OGDHL: variants seen among roughly 807,000 people sequenced by gnomAD.
OGDHL encodes oxoglutarate dehydrogenase L, also known as 2-oxoglutarate dehydrogenase-like, mitochondrial.
Under a neutral mutation model 109.6 loss-of-function variants are expected in OGDHL, and 79 were observed. The observed-to-expected ratio is 0.72, with a 90% CI of 0.60 to 0.87. The LOEUF is 0.87. Among genes scored for constraint, OGDHL ranks in the 40% least tolerant of loss-of-function variants. OGDHL has a pLI of 0.00. For synonymous variants in OGDHL, 528 were observed against 537.2 expected, an observed-to-expected ratio of 0.98 and a Z score of 0.24; for missense variants, 1,275 against 1,362.2, an observed-to-expected ratio of 0.94 and a Z score of 1.01.
intron 15 of OGDHL, among the ~76,000 whole-genome samples, chr10:49,742,557 A>G (rs1162555639): frequency 8.3e-6 from 1 of 119,762 alleles, no homozygotes; most frequent in East Asian, 2.8e-4. Flanking sequence ...CAACTCGCCC[A>G]CACTCACCAC....
chr10:49,754,998 C>G (rs1009089719), intron 3 of OGDHL, among the ~76,000 whole-genome samples: 1 of 152,168 alleles, frequency 6.6e-6, no homozygotes, highest in Non-Finnish European at 1.5e-5. Context: ...AATCCCAGCA[C>G]TTTGGGAGGC....
chr10:49,736,741 C>T (rs1476840688), intron 20 of OGDHL, among the ~76,000 whole-genome samples: 1 of 152,178 alleles, frequency 6.6e-6, no homozygotes, highest in East Asian at 1.9e-4. Context: ...AAGGGTTGAG[C>T]CCTGGAAGCA....
chr10:49,750,816 G>A (rs1192380211), intron 7 of OGDHL, 23 bp downstream of exon 7: 2 of 1,596,152 alleles, frequency 1.3e-6, no homozygotes, highest in Admixed American at 1.7e-5. Flanking sequence ...AATGCGCAAG[G>A]CACAGCAGGG....
rs1814429236 is a variant in OGDHL at position 49,738,257 on chromosome 10, TG to T, written c.2324del (p.Pro775GlnfsTer14). 6.2e-7 allele frequency: 1 copy of T among 1,612,700 alleles called. No homozygotes were observed. Among genetic ancestry groups the T allele is most frequent in the African/African-American group, 1.3e-5 (1 of 74,898 alleles). ...TTTCGGGCCTCGCTGACGAGTGCTC[TG>T]GGCCCTGAAAGCAAACGCCAGACAG... ...LLPHGMEGMGPEHSSARPERF... is the reference protein window; with the variant it reads ...LLPHGMEGMGXEHSSARPERF... On this transcript the variant is annotated frameshift_variant, in exon 18 of 23. Transcript: ENST00000374103. LOFTEE classifies it high-confidence loss of function.
chr10:49,742,479 ACTCCCCCCACTCAC>A (rs1564532371), intron 15 of OGDHL, among the ~76,000 whole-genome samples: 5 of 10,282 alleles, frequency 4.9e-4, no homozygotes, highest in South Asian at 3.8e-3. Flanking sequence ...CCCCCTATAC[ACTCCCCCCACTCAC>A]CACATACCAC....
chr10:49,752,308 C>T (rs2304636), intron 4 of OGDHL, 60 bp from the exon 5 acceptor site: 291,663 of 1,276,896 alleles, frequency 0.23, 37,380 homozygotes, highest in African/African-American at 0.47. Flanking sequence ...AGGTCAGGCC[C>T]AGGTGGAGCC....
Position 49,734,897 on chromosome 10 carries a change from G to T in OGDHL, c.*331C>A. 1 of 192,786 alleles carries T rather than the reference G, an allele frequency of 5.2e-6. No individual in the cohort carries two copies. Among genetic ancestry groups the T allele is most frequent in the Non-Finnish European group, 1.1e-5 (1 of 95,080 alleles). The allele number at this position is 192,786 out of a possible 1,614,324, so 11.9% of individuals were successfully genotyped here. On this transcript the variant is annotated 3_prime_UTR_variant, in exon 23 of 23. Coordinates refer to ENST00000374103, the MANE Select transcript of OGDHL (RefSeq NM_018245.3). ...GGGCGAGCAGCAGCCAGGGCTGCCG[G>T]GATGGGAGCGGCCACAGACACAGGC... is the stretch of plus-strand genomic sequence containing the variant.
Position 49,735,300 on chromosome 10 carries a change from A to G in OGDHL, c.2961T>C (p.Thr987=). The change falls in exon 23 of 23, where the codon ACT becomes ACC. Residue 987 remains threonine (T), a synonymous_variant. Transcript: ENST00000374103. ...AAAPATGNRN[T]HLVSLKKFLD... is the part of the protein sequence containing the mutation. ...GAAACTTCTTCAGTGACACCAGGTG[A>G]GTGTTCCTGTTTCCTGTGGCTGGTG... The G allele has an allele frequency of 6.2e-7, 1 of 1,614,112 alleles. No homozygotes were observed. Among genetic ancestry groups the G allele is most frequent in the Non-Finnish European group, 8.5e-7 (1 of 1,180,010 alleles).
intron 1 of OGDHL, among the ~76,000 whole-genome samples, chr10:49,760,452 C>T (rs1048527588): frequency 6.6e-6 from 1 of 152,214 alleles, no homozygotes; most frequent in African/African-American, 2.4e-5. Flanking sequence ...AAGAGAAGGT[C>T]GTGCCAGCCC....
At chr10:49,753,888 TAAAAA>T (rs63200161) in intron 3 of OGDHL, among the ~76,000 whole-genome samples, 35 of 87,268 alleles carry the variant, frequency 4.0e-4, no homozygotes, top group South Asian at 3.9e-4. Flanking sequence ...AAACTCCATC[TAAAAA>T]AAAAAAAAAA....
At position 49,745,437 on chromosome 10, in the gene OGDHL, G is replaced by A. The variant is rs997298253; in HGVS notation, c.1536C>T (p.Leu512=). The change falls in exon 12 of 23, where the codon CTC becomes CTT. Residue 512 remains leucine, a synonymous_variant. Coordinates refer to ENST00000374103, the MANE Select transcript of OGDHL (RefSeq NM_018245.3). ...CCTGTCTGTGGATCTGCTTGTACAT[G>A]AGCGGCTGGGTGAACATGGGCTCGT... ...EMDEPMFTQP[L]MYKQIHRQVP... is the part of the protein sequence containing the mutation. The A allele has an allele frequency of 1.2e-6, 2 of 1,614,064 alleles. No individual in the cohort carries two copies. The highest frequency in any genetic ancestry group is 1.6e-4 in the Middle Eastern group (1 of 6,084).
chr10:49,746,761 C>A lies in OGDHL; in HGVS notation c.1285G>T (p.Val429Phe). ...GCCTACATGCTCACCTGGTTGTTGACGACGACGTGCACGGTACCATTGGTC... is the reference window on the plus strand; with the variant it reads ...GCCTACATGCTCACCTGGTTGTTGAAGACGACGTGCACGGTACCATTGGTC... ...YTTNGTVHVV[V>F]NNQIGFTTDP... The change falls in exon 10 of 23, where the codon GTC becomes TTC. Residue 429 changes from valine to phenylalanine, a missense_variant. Val to Phe is a conservative substitution (Grantham distance 50, BLOSUM62 -1). Transcript: ENST00000374103. 1 of 1,614,016 alleles carries A rather than the reference C, an allele frequency of 6.2e-7. No individual in the cohort carries two copies. The highest frequency in any genetic ancestry group is 8.5e-7 in the Non-Finnish European group (1 of 1,179,944).
chr10:49,739,526 C>T, intron 17 of OGDHL, 135 bp downstream of exon 17: 1 of 1,060,732 alleles, frequency 9.4e-7, no homozygotes, highest in Non-Finnish European at 1.3e-6. Context: ...GCAGACCCCA[C>T]CCTGCACAGA....
chr10:49,753,988 C>G (rs1842765571), intron 3 of OGDHL, among the ~76,000 whole-genome samples: 1 of 151,908 alleles, frequency 6.6e-6, no homozygotes, highest in African/African-American at 2.4e-5. Context: ...CTTTGAGAAC[C>G]TCTATTTTTG....
chr10:49,758,660 C>T (rs2132270716), intron 1 of OGDHL, 67 bp from the exon 2 acceptor site: 1 of 1,499,164 alleles, frequency 6.7e-7, no homozygotes, highest in Non-Finnish European at 9.1e-7. Context: ...TCTACCAAGC[C>T]ACTGTCCGCT....
chr10:49,738,559 C>T (rs1841396317), intron 17 of OGDHL: 1 of 457,742 alleles, frequency 2.2e-6, no homozygotes. Flanking sequence ...GTGGCTGCCA[C>T]TGACTGAGCA....
intron 1 of OGDHL, 39 bp from the exon 2 acceptor site, chr10:49,758,632 A>T: frequency 6.3e-7 from 1 of 1,599,368 alleles, no homozygotes; most frequent in Non-Finnish European, 8.5e-7. Flanking sequence ...AAATGGCAGG[A>T]CCAAGACAGG....
At position 49,738,072 on chromosome 10, in the gene OGDHL, C is replaced by G. The variant is rs765604794; in HGVS notation, c.2392G>C (p.Ala798Pro). The G allele has an allele frequency of 1.1e-5, 17 of 1,614,008 alleles. No homozygotes were observed. The African/African-American group carries it at 1.9e-4, about 18-fold the overall frequency. The part of the protein sequence containing the change: ...MSNDDSDAYP[A>P]FTKDFEVSQL... ...CTCACCTCGAAGTCCTTGGTGAATG[C>G]CTGTGGGGACGAGATGCATATGGCC... The change falls in exon 19 of 23, where the codon GCA (alanine) becomes CCA (proline). Residue 798 changes from alanine to proline, a missense_variant and splice_region_variant. Coordinates refer to ENST00000374103, the MANE Select transcript of OGDHL (RefSeq NM_018245.3).
intron 8 of OGDHL, among the ~76,000 whole-genome samples, chr10:49,747,842 A>G (rs1346549396): frequency 2.6e-5 from 4 of 152,240 alleles, no homozygotes; most frequent in African/African-American, 9.6e-5. Context: ...GATAAAGCCC[A>G]AAAACTCCAT....
Sources: allele counts gnomAD v4.1 joint callset (sites outside exome capture counted in the v4.1 genomes callset), GRCh38; gene constraint gnomAD v4.1.1; transcripts MANE v1.5; gene names NCBI Gene and HGNC (gene_info 2026-07-23, HGNC 2026-07-21).